The following TTC39C variants were observed in gnomAD, a reference collection of about 807,000 sequenced individuals.
TTC39C encodes the protein tetratricopeptide repeat domain 39C, also known as tetratricopeptide repeat protein 39C.
A neutral mutation model predicts 76.3 loss-of-function variants in TTC39C; 33 were observed. The ratio of observed to expected loss-of-function variants is 0.43; its 90% CI spans 0.33 to 0.58. The LOEUF (loss-of-function observed/expected upper bound fraction) is 0.58, where lower values mean the gene tolerates loss of function less well. TTC39C is among the 20% of genes least tolerant of loss of function. TTC39C has a pLI of 0.04. For missense variants in TTC39C, 595 were observed against 701.4 expected, an observed-to-expected ratio of 0.85 and a Z score of 1.71; for synonymous variants, 254 against 260.6, an observed-to-expected ratio of 0.97 and a Z score of 0.24.
At chr18:23,999,302 G>T (rs1388210025) in intron 1 of TTC39C, among the ~76,000 whole-genome samples, 1 of 152,160 alleles carries the variant, frequency 6.6e-6, no homozygotes, top group Non-Finnish European at 1.5e-5. Context: ...GAGGGGAAGG[G>T]AGTCAATGTG....
intron 1 of TTC39C, among the ~76,000 whole-genome samples, chr18:24,002,706 G>GA (rs1254180290): frequency 6.6e-6 from 1 of 152,112 alleles, no homozygotes; most frequent in Non-Finnish European, 1.5e-5. Flanking sequence ...CTGCAGGAGA[G>GA]AAAAAAACCA....
chr18:24,102,481 A>G (rs889127679), intron 6 of TTC39C, among the ~76,000 whole-genome samples: 1 of 152,226 alleles, frequency 6.6e-6, no homozygotes, highest in Non-Finnish European at 1.5e-5. Flanking sequence ...AGCAGTGTGC[A>G]TACACAAAAA....
chr18:24,104,104 G>A (rs1356587667), intron 6 of TTC39C, among the ~76,000 whole-genome samples: 1 of 152,080 alleles, frequency 6.6e-6, no homozygotes, highest in Admixed American at 6.6e-5. Flanking sequence ...GCTAATTTTT[G>A]TATTTTTAGT....
chr18:24,012,105 ATGCCAACTACAGC>A (rs1336183187), upstream of TTC39C, among the ~76,000 whole-genome samples: 1 of 152,168 alleles, frequency 6.6e-6, no homozygotes, highest in Non-Finnish European at 1.5e-5. Flanking sequence ...GCAGGTGTCA[ATGCCAACTACAGC>A]TGCCACAAGT....
intron 6 of TTC39C, among the ~76,000 whole-genome samples, chr18:24,108,350 G>A (rs1349066470): frequency 6.6e-6 from 1 of 152,170 alleles, no homozygotes; most frequent in Non-Finnish European, 1.5e-5. Flanking sequence ...ATTCGGGGAG[G>A]GCTGGAACTT....
intron 1 of TTC39C, among the ~76,000 whole-genome samples, chr18:24,056,965 G>A (rs1296129939): frequency 6.6e-6 from 1 of 152,092 alleles, no homozygotes; most frequent in East Asian, 1.9e-4. Flanking sequence ...TTATAGGTGT[G>A]AGCCATCATG....
At chr18:23,993,446 A>C (rs928945374) in intron 1 of TTC39C, among the ~76,000 whole-genome samples, 2 of 152,252 alleles carry the variant, frequency 1.3e-5, no homozygotes, top group Non-Finnish European at 2.9e-5. Context: ...ACTTGTTATG[A>C]CTAATTATTA....
intron 1 of TTC39C, among the ~76,000 whole-genome samples, chr18:23,998,467 G>T (rs369618669): frequency 2.6e-5 from 4 of 152,102 alleles, no homozygotes; most frequent in Non-Finnish European, 5.9e-5. Context: ...AAAATTAGCC[G>T]AGTGTGATGG....
chr18:24,059,771 G>A lies in TTC39C; in HGVS notation c.168-4369G>A, dbSNP rs79186308. On this transcript the variant is annotated intron_variant, in intron 1 of 13. Coordinates refer to ENST00000317571, the MANE Select transcript of TTC39C (RefSeq NM_001135993.2). The stretch of plus-strand genomic sequence containing the variant: ...GAATGGTATATTAGTTTGTTTTCAC[G>A]CTGCTGATAAAGATATACCTGAGAC... 6.9e-4 allele frequency among the ~76,000 whole-genome samples: 105 copies of A among 152,136 alleles called. 2 individuals carry two copies. In the South Asian group the frequency reaches 0.013, roughly 19 times the overall value.
In TTC39C at chr18:24,135,304, T is replaced by C. The variant is rs902275999; in HGVS notation, c.*2730T>C. 1 of 152,516 alleles carries C rather than the reference T, an allele frequency of 6.6e-6. No individual in the cohort carries two copies. The highest frequency in any genetic ancestry group is 2.4e-5 in the African/African-American group (1 of 41,438). The allele number at this position is 152,516 out of a possible 1,614,324, so 9.4% of individuals were successfully genotyped here. On this transcript the variant is annotated 3_prime_UTR_variant, in exon 14 of 14. Coordinates refer to ENST00000317571, the MANE Select transcript of TTC39C (RefSeq NM_001135993.2). Reference sequence around the variant, plus strand: ...AACCACTGTGACCGGCCAGGTCTTTTTTTTTTTAAAGAGTCTATCCTAGGC... The same window carrying C: ...AACCACTGTGACCGGCCAGGTCTTTCTTTTTTTAAAGAGTCTATCCTAGGC...
intron 6 of TTC39C, among the ~76,000 whole-genome samples, chr18:24,108,395 C>T (rs2084773158): frequency 6.6e-6 from 1 of 152,134 alleles, no homozygotes; most frequent in Admixed American, 6.5e-5. Flanking sequence ...GGGCCAAATC[C>T]CCAAAAGAAC....
chr18:24,110,195 A>G (rs141230355), intron 6 of TTC39C, among the ~76,000 whole-genome samples: 129 of 152,272 alleles, frequency 8.5e-4, no homozygotes, highest in Non-Finnish European at 1.5e-3. Context: ...AGTCCTGTCA[A>G]TGGTATTTAA....
At chr18:24,048,582 T>C (rs1166453474) in intron 1 of TTC39C, among the ~76,000 whole-genome samples, 1 of 152,266 alleles carries the variant, frequency 6.6e-6, no homozygotes, top group African/African-American at 2.4e-5. Context: ...GATAAATGTA[T>C]ATTTTTGGTT....
intron 6 of TTC39C, among the ~76,000 whole-genome samples, chr18:24,102,578 G>C (rs1222576299): frequency 6.6e-6 from 1 of 152,176 alleles, no homozygotes; most frequent in Non-Finnish European, 1.5e-5. Flanking sequence ...AGGATGAGGA[G>C]GCTGTGGGGC....
At position 24,132,566 on chromosome 18, in the gene TTC39C, C is replaced by T. The variant is rs953281881; in HGVS notation, c.1744C>T (p.Pro582Ser). 1.2e-6 allele frequency: 2 copies of T among 1,613,300 alleles called. No homozygotes were observed. Among genetic ancestry groups the T allele is most frequent in the Non-Finnish European group, 1.7e-6 (2 of 1,179,714 alleles). The change falls in exon 14 of 14, where the codon CCT becomes TCT. Residue 582 changes from proline to serine, a missense_variant. By Grantham distance (74) the Pro-to-Ser change is moderately conservative. Coordinates refer to ENST00000317571, the MANE Select transcript of TTC39C (RefSeq NM_001135993.2). ...TCTGGCCTCTCTGAGGGAATTGGTTCCTCAGTGACAGACCCGGAACACCCG... is the reference window on the plus strand; with the variant it reads ...TCTGGCCTCTCTGAGGGAATTGGTTTCTCAGTGACAGACCCGGAACACCCG... ...AALASLRELVPQ is the reference protein window; with the variant it reads ...AALASLRELVSQ
intron 1 of TTC39C, among the ~76,000 whole-genome samples, chr18:24,030,648 CTTTTTT>C (rs1167104790): frequency 3.4e-5 from 3 of 89,042 alleles, no homozygotes. Flanking sequence ...AAAGATAGGC[CTTTTTT>C]TTTTTTTTTT....
chr18:24,064,056 T>C (rs2084135166), intron 1 of TTC39C, 84 bp from the exon 2 acceptor site: 1 of 1,562,144 alleles, frequency 6.4e-7, no homozygotes, highest in African/African-American at 1.4e-5. Flanking sequence ...TATATGGTAA[T>C]CATGATATGT....
At chr18:24,093,599 G>A (rs1373579385) in intron 6 of TTC39C, among the ~76,000 whole-genome samples, 2 of 152,008 alleles carry the variant, frequency 1.3e-5, no homozygotes, top group Admixed American at 6.6e-5. Context: ...AAGATATACA[G>A]GCATACATCA....
rs150809647 is a variant in TTC39C, at chr18:24,059,856, G to A, written c.168-4284G>A. Among the ~76,000 whole-genome samples, 802 of 152,236 alleles carry A rather than the reference G, an allele frequency of 5.3e-3. 13 individuals carry two copies. The East Asian group carries it at 0.061, about 12-fold the overall frequency. ...ATTAACTCATAGTTCCACATGGCTGGGGAGGCCTCACAATCACGGCAGAAG... is the reference window on the plus strand; with the variant it reads ...ATTAACTCATAGTTCCACATGGCTGAGGAGGCCTCACAATCACGGCAGAAG... On this transcript the variant is annotated intron_variant, in intron 1 of 13. Transcript: ENST00000317571.
Sources: gnomAD v4.1 joint callset for allele counts (sites outside exome capture counted in the v4.1 genomes callset) on GRCh38, gnomAD v4.1.1 for gene constraint, MANE v1.5 for transcripts, NCBI Gene and HGNC (gene_info 2026-07-23, HGNC 2026-07-21) for gene names.